Variants in CHD7 observed in about 807,000 individuals in gnomAD.
The protein encoded by CHD7 is chromodomain helicase DNA binding protein 7.
Under a neutral mutation model 307.3 loss-of-function variants are expected in CHD7, and 24 were observed. That is an observed-to-expected ratio of 0.08 (90% CI 0.06 to 0.11). The LOEUF (loss-of-function observed/expected upper bound fraction) is 0.11. CHD7 is among the 10% of genes least tolerant of loss of function. CHD7 has a pLI of 1.00. For synonymous variants in CHD7, 1,363 were observed against 1,349.9 expected (o/e 1.01, Z -0.21); for missense variants, 3,106 against 3,727.1 (o/e 0.83, Z 4.34).
At chr8:60,717,917 A>G (rs1807689976) in intron 1 of CHD7, among the ~76,000 whole-genome samples, 1 of 152,154 alleles carries the variant, frequency 6.6e-6, no homozygotes, top group Non-Finnish European at 1.5e-5. Context: ...TATTTGCTAT[A>G]CTATACTTTT....
intron 13 of CHD7, among the ~76,000 whole-genome samples, chr8:60,827,718 A>T (rs6471903): frequency 0.72 from 109,267 of 151,610 alleles, 40,426 homozygotes; most frequent in East Asian, 0.93. Context: ...CAGATATGAC[A>T]TGGTAGATAT....
intron 1 of CHD7, among the ~76,000 whole-genome samples, chr8:60,700,144 G>A (rs1349689844): frequency 1.3e-5 from 2 of 152,098 alleles, no homozygotes; most frequent in Admixed American, 6.6e-5. Flanking sequence ...GGCAACTTGA[G>A]ATTCTTTCTA....
At chr8:60,728,047 G>A (rs1808259360) in intron 1 of CHD7, among the ~76,000 whole-genome samples, 1 of 152,186 alleles carries the variant, frequency 6.6e-6, no homozygotes, top group Admixed American at 6.5e-5. Context: ...TCTTGAACTG[G>A]TCTTCCAGGC....
chr8:60,840,004 G>A (rs932245354), intron 19 of CHD7, among the ~76,000 whole-genome samples: 1 of 152,188 alleles, frequency 6.6e-6, no homozygotes, highest in Non-Finnish European at 1.5e-5. Context: ...ACGGTGGGCA[G>A]TTCATATAAA....
chr8:60,817,445 G>A (rs767868288), intron 8 of CHD7, among the ~76,000 whole-genome samples: 4 of 152,158 alleles, frequency 2.6e-5, no homozygotes, highest in African/African-American at 4.8e-5. Flanking sequence ...TAGCAAGTCT[G>A]TGTTCTTCTG....
intron 6 of CHD7, among the ~76,000 whole-genome samples, chr8:60,806,358 G>A (rs906721320): frequency 5.3e-5 from 8 of 151,718 alleles, no homozygotes; most frequent in African/African-American, 1.7e-4. Context: ...GCAAGACTCC[G>A]TCTCAAAAAA....
Position 60,854,495 on chromosome 8 carries a change from G to A in CHD7, c.6908G>A (p.Arg2303Lys). Residue 2303 changes from arginine (R) to lysine (K), a missense_variant, in exon 32 of 38, where the codon AGA becomes AAA. By Grantham distance (26) the Arg-to-Lys change is conservative. Coordinates refer to ENST00000423902, the MANE Select transcript of CHD7 (RefSeq NM_017780.4). ...DPSVAQLLHE[R>K]TFAFSFWPKD... The stretch of plus-strand genomic sequence containing the variant: ...TCAGTAGCTCAGCTCCTTCATGAAA[G>A]AACATTTGCCTTCTCGTTTTGGCCT... 6.2e-7 allele frequency: 1 copy of A among 1,605,680 alleles called. No individual in the cohort carries two copies. The highest frequency in any genetic ancestry group is 8.5e-7 in the Non-Finnish European group (1 of 1,174,392).
At chr8:60,856,939 G>T in intron 34 of CHD7, 51 bp downstream of exon 34, 1 of 1,476,060 alleles carries the variant, frequency 6.8e-7, no homozygotes, top group South Asian at 1.4e-5. Flanking sequence ...GACAGCTGAG[G>T]GTCCTGTGAT....
At chr8:60,853,670 T>G (rs1353333331) in intron 31 of CHD7, among the ~76,000 whole-genome samples, 170 bp downstream of exon 31, 2 of 152,222 alleles carry the variant, frequency 1.3e-5, no homozygotes, top group African/African-American at 2.4e-5. Context: ...CTCTCGCACC[T>G]TATAGCACCT....
chr8:60,861,148 T>C (rs1334021789), intron 35 of CHD7, 23 bp downstream of exon 35: 2 of 1,537,058 alleles, frequency 1.3e-6, no homozygotes, highest in East Asian at 2.4e-5. Flanking sequence ...GAGTTTAGAG[T>C]TGGAAGGAAT....
At chr8:60,691,241 CATA>C (rs1261338691) in intron 1 of CHD7, among the ~76,000 whole-genome samples, 2 of 152,150 alleles carry the variant, frequency 1.3e-5, no homozygotes, top group Non-Finnish European at 2.9e-5. Flanking sequence ...GGATCACTAC[CATA>C]ATAATATCAA....
chr8:60,726,943 TCTTA>T (rs1435138611), intron 1 of CHD7, among the ~76,000 whole-genome samples: 4 of 152,150 alleles, frequency 2.6e-5, no homozygotes, highest in South Asian at 2.1e-4. Context: ...CTTTGCCCCT[TCTTA>T]CTTGTCTCTG....
At chr8:60,703,856 C>T (rs1806887323) in intron 1 of CHD7, among the ~76,000 whole-genome samples, 1 of 152,226 alleles carries the variant, frequency 6.6e-6, no homozygotes, top group Admixed American at 6.5e-5. Context: ...TCAGATATAA[C>T]TTCACTCTGC....
At chr8:60,789,762 A>G (rs1278963334) in intron 3 of CHD7, among the ~76,000 whole-genome samples, 4 of 152,202 alleles carry the variant, frequency 2.6e-5, no homozygotes, top group Non-Finnish European at 4.4e-5. Context: ...AATCCATCCA[A>G]CCCCATTTCA....
intron 1 of CHD7, 119 bp from the exon 2 acceptor site, chr8:60,741,140 T>C (rs1454933343): frequency 9.6e-6 from 4 of 416,536 alleles, no homozygotes; most frequent in Non-Finnish European, 1.7e-5. Context: ...GCGAGGGAGC[T>C]AGATTCGTAT....
intron 19 of CHD7, among the ~76,000 whole-genome samples, chr8:60,840,687 G>A (rs147438281): frequency 3.3e-5 from 5 of 150,780 alleles, no homozygotes; most frequent in East Asian, 2.0e-4. Context: ...GCGCAATCTC[G>A]GCTCACTGCA....
At chr8:60,710,434 A>G (rs564952171) in intron 1 of CHD7, among the ~76,000 whole-genome samples, 8 of 152,140 alleles carry the variant, frequency 5.3e-5, no homozygotes, top group Non-Finnish European at 1.0e-4. Flanking sequence ...TGGAAGATGG[A>G]CATCTTTCCT....
intron 2 of CHD7, among the ~76,000 whole-genome samples, chr8:60,776,718 T>C (rs1289911788): frequency 6.6e-6 from 1 of 152,210 alleles, no homozygotes; most frequent in Admixed American, 6.5e-5. Context: ...ATAATCTCAA[T>C]AGGACTTGCC....
chr8:60,697,001 T>C (rs1806514729), intron 1 of CHD7, among the ~76,000 whole-genome samples: 1 of 152,180 alleles, frequency 6.6e-6, no homozygotes, highest in South Asian at 2.1e-4. Context: ...TTTAAAAATT[T>C]TCTGTAGGTG....
Sources: allele counts gnomAD v4.1 joint callset (sites outside exome capture counted in the v4.1 genomes callset), GRCh38; gene constraint gnomAD v4.1.1; transcripts MANE v1.5; gene names NCBI Gene and HGNC (gene_info 2026-07-23, HGNC 2026-07-21).